Variants in PCDHA1 observed in about 807,000 individuals in gnomAD.
PCDHA1 encodes protocadherin alpha-1.
PCDHA1 carries 42 observed loss-of-function variants against 61.3 expected under a neutral mutation model. That is an observed-to-expected ratio of 0.69 (90% CI 0.54 to 0.89). PCDHA1 has a LOEUF of 0.89. Among genes scored for constraint, PCDHA1 ranks in the 40% least tolerant of loss-of-function variants. PCDHA1 has a pLI of 0.00. For synonymous variants in PCDHA1, 610 were observed against 553.8 expected, an observed-to-expected ratio of 1.10 and a Z score of -1.43; for missense variants, 1,256 against 1,235.3, an observed-to-expected ratio of 1.02 and a Z score of -0.25.
At chr5:141,007,573 T>G (rs2153992759) in intron 3 of PCDHA1, among the ~76,000 whole-genome samples, 1 of 151,796 alleles carries the variant, frequency 6.6e-6, no homozygotes, top group African/African-American at 2.4e-5. Context: ...ATCTCAAATT[T>G]AAAAAATAAT....
chr5:140,841,896 T>C (rs2150325058), intron 1 of PCDHA1: 14 of 1,613,838 alleles, frequency 8.7e-6, no homozygotes, highest in Non-Finnish European at 1.0e-5. Flanking sequence ...AATAAACTGG[T>C]TGAGCTCGTA....
At chr5:140,944,124 G>T (rs922088265) in intron 1 of PCDHA1, among the ~76,000 whole-genome samples, 10 of 152,200 alleles carry the variant, frequency 6.6e-5, no homozygotes, top group Admixed American at 6.5e-4. Context: ...TACCAGAGAA[G>T]AAAAGGTTGA....
intron 1 of PCDHA1, among the ~76,000 whole-genome samples, chr5:140,827,633 G>C (rs143632043): frequency 2.0e-5 from 3 of 152,212 alleles, no homozygotes; most frequent in Admixed American, 2.0e-4. Flanking sequence ...GTGTAGAATA[G>C]TTTACATTTC....
At chr5:140,920,239 A>G (rs1584173491) in intron 1 of PCDHA1, among the ~76,000 whole-genome samples, 1 of 152,356 alleles carries the variant, frequency 6.6e-6, no homozygotes, top group Middle Eastern at 3.4e-3. Context: ...TATATACCCA[A>G]CAATACATCG....
intron 1 of PCDHA1, chr5:140,843,132 A>G (rs1365552111): frequency 6.3e-7 from 1 of 1,596,010 alleles, no homozygotes; most frequent in Non-Finnish European, 8.6e-7. Context: ...TCGGGCTACA[A>G]CGCGTGGCTT....
rs567366418 is a variant in PCDHA1 at position 140,912,439 on chromosome 5, G to T, written c.2395-66510G>T. 2.6e-5 allele frequency among the ~76,000 whole-genome samples: 4 copies of T among 151,104 alleles called. No individual in the cohort carries two copies. The East Asian group carries it at 7.8e-4, about 29-fold the overall frequency. On this transcript the variant is annotated intron_variant, in intron 1 of 3. Transcript: ENST00000504120. ...TGGTGTATAGCAGTGTTGCTGATTT[G>T]TGTGCATTGATTTTGTATCCTGGAA...
intron 1 of PCDHA1, chr5:140,878,010 A>G: frequency 2.4e-6 from 2 of 839,980 alleles, no homozygotes; most frequent in Non-Finnish European, 3.4e-6. Flanking sequence ...GTCTAACATT[A>G]ATGAAGGAAA....
chr5:140,883,402 C>T lies in PCDHA1; in HGVS notation c.2394+94718C>T. ...CCCTAATCAGTGTGTCCGATCGTGACTCTGGCTCAAATGGACAGGTCACCT... is the reference window on the plus strand; with the variant it reads ...CCCTAATCAGTGTGTCCGATCGTGATTCTGGCTCAAATGGACAGGTCACCT... On this transcript the variant is annotated intron_variant, in intron 1 of 3. Coordinates refer to ENST00000504120, the MANE Select transcript of PCDHA1 (RefSeq NM_018900.4). 4 of 1,614,192 alleles carry T rather than the reference C, an allele frequency of 2.5e-6. No individual in the cohort carries two copies. The South Asian group carries it at 3.3e-5, about 13-fold the overall frequency.
In PCDHA1 at chr5:140,842,019, T is replaced by C. The variant is rs1554138721; in HGVS notation, c.2394+53335T>C. The C allele has an allele frequency of 1.9e-6, 3 of 1,613,812 alleles. No homozygotes were observed. The highest frequency in any genetic ancestry group is 1.6e-4 in the Middle Eastern group (1 of 6,062). ...ACTGTTCAGCTGCTGGTCACAGTGC[T>C]GGATGTGAATGATAATGCTCCCACT... On this transcript the variant is annotated intron_variant, in intron 1 of 3. Transcript: ENST00000504120.
At chr5:140,795,040 G>A (rs369107883) in intron 1 of PCDHA1, 21 of 1,613,758 alleles carry the variant, frequency 1.3e-5, no homozygotes, top group Non-Finnish European at 1.7e-5. Flanking sequence ...AGCCTGGGAG[G>A]TGGGGAGCGG....
intron 1 of PCDHA1, chr5:140,882,822 G>A (rs782258212): frequency 6.2e-7 from 1 of 1,614,080 alleles, no homozygotes; most frequent in African/African-American, 1.3e-5. Flanking sequence ...GCACAAAACA[G>A]TCTTGAGCAA....
At chr5:140,968,029 GGT>G in intron 1 of PCDHA1, 1 of 1,614,170 alleles carries the variant, frequency 6.2e-7, no homozygotes, top group African/African-American at 1.3e-5. Context: ...CCTATACACT[GGT>G]GGTGAGCGGC....
intron 1 of PCDHA1, among the ~76,000 whole-genome samples, chr5:140,941,281 C>G (rs12652617): frequency 1.4e-5 from 1 of 69,002 alleles, no homozygotes. Flanking sequence ...TTCCTTCCTT[C>G]CTTTCTCTTT....
chr5:140,816,449 A>T (rs1233984451), intron 1 of PCDHA1: 1 of 152,008 alleles, frequency 6.6e-6, no homozygotes, highest in African/African-American at 2.4e-5. Context: ...TATTTTGAAT[A>T]CTTTGTCAAG....
chr5:140,880,970 C>A (rs2058546777), intron 1 of PCDHA1, among the ~76,000 whole-genome samples: 1 of 152,070 alleles, frequency 6.6e-6, no homozygotes, highest in South Asian at 2.1e-4. Context: ...TAAGAGAATA[C>A]CAAATACTCT....
intron 1 of PCDHA1, among the ~76,000 whole-genome samples, chr5:140,791,978 C>T (rs1554118735): frequency 6.6e-6 from 1 of 152,102 alleles, no homozygotes; most frequent in Admixed American, 6.5e-5. Flanking sequence ...TTTCCTTGGG[C>T]TGATGCAACA....
At chr5:140,967,066 C>A (rs782715200) in intron 1 of PCDHA1, 2 of 1,612,908 alleles carry the variant, frequency 1.2e-6, no homozygotes, top group Non-Finnish European at 1.7e-6. Context: ...GAGCGCTCTT[C>A]GTCAACGAGC....
At chr5:140,980,475 C>G (rs538255137) in intron 2 of PCDHA1, among the ~76,000 whole-genome samples, 10 of 152,148 alleles carry the variant, frequency 6.6e-5, no homozygotes, top group African/African-American at 2.2e-4. Context: ...ACTAAAAATA[C>G]AAAAATTAGC....
chr5:140,967,539 A>G (rs1554229656), intron 1 of PCDHA1: 2 of 1,613,730 alleles, frequency 1.2e-6, no homozygotes, highest in African/African-American at 1.3e-5. Flanking sequence ...CCTGCCTTTG[A>G]CCAGTCCACT....
Sources: gnomAD v4.1 joint callset for allele counts (sites outside exome capture counted in the v4.1 genomes callset) on GRCh38, gnomAD v4.1.1 for gene constraint, MANE v1.5 for transcripts, NCBI Gene and HGNC (gene_info 2026-07-23, HGNC 2026-07-21) for gene names.